Variants in PPP1R42 observed in about 807,000 individuals in gnomAD.
The protein encoded by PPP1R42 is leucine rich repeat containing 67.
A neutral mutation model predicts 31.0 loss-of-function variants in PPP1R42; 34 were observed. The ratio of observed to expected loss-of-function variants is 1.10; its 90% CI spans 0.83 to 1.46. PPP1R42 has a LOEUF of 1.46. Among genes scored for constraint, PPP1R42 ranks in the 40% most tolerant of loss-of-function variants. The pLI is 0.00. For synonymous variants in PPP1R42, 103 were observed against 109.8 expected (o/e 0.94, Z 0.39); for missense variants, 268 against 303.0 (o/e 0.88, Z 0.86).
At chr8:66,983,841 G>A (rs2130926116) in intron 6 of PPP1R42, among the ~76,000 whole-genome samples, 1 of 151,946 alleles carries the variant, frequency 6.6e-6, no homozygotes, top group South Asian at 2.1e-4. Context: ...GAACTAGCTA[G>A]TACTCTCCAA....
chr8:66,985,298 G>T (rs1814975222), intron 6 of PPP1R42: 2 of 854,692 alleles, frequency 2.3e-6, no homozygotes, highest in African/African-American at 1.7e-5. Context: ...GGTCAAAAAA[G>T]GTATTGGACT....
chr8:67,007,987 A>G (rs1280456619), intron 5 of PPP1R42, among the ~76,000 whole-genome samples: 2 of 150,762 alleles, frequency 1.3e-5, no homozygotes, highest in African/African-American at 4.9e-5. Context: ...CCCAGGTTCA[A>G]GTGATTCTCC....
intron 1 of PPP1R42, among the ~76,000 whole-genome samples, chr8:67,024,017 G>A (rs988143479): frequency 2.0e-5 from 3 of 151,806 alleles, no homozygotes; most frequent in Non-Finnish European, 4.4e-5. Context: ...ATGGTGGCGC[G>A]CACCTGTAGT....
At chr8:66,989,748 G>C (rs1815134348) in intron 5 of PPP1R42, among the ~76,000 whole-genome samples, 1 of 152,176 alleles carries the variant, frequency 6.6e-6, no homozygotes, top group Non-Finnish European at 1.5e-5. Flanking sequence ...GAAAATATAA[G>C]ACATTGTTTT....
At chr8:67,007,164 C>A (rs960872405) in intron 5 of PPP1R42, among the ~76,000 whole-genome samples, 2 of 151,988 alleles carry the variant, frequency 1.3e-5, no homozygotes, top group Non-Finnish European at 2.9e-5. Context: ...AGGCGTGAGC[C>A]ACTGTGCCTG....
intron 5 of PPP1R42, among the ~76,000 whole-genome samples, chr8:67,007,158 G>A (rs764847804): frequency 3.3e-5 from 5 of 151,844 alleles, no homozygotes; most frequent in Admixed American, 1.3e-4. Context: ...GATTACAGGC[G>A]TGAGCCACTG....
intron 5 of PPP1R42, among the ~76,000 whole-genome samples, chr8:66,993,125 C>T (rs1815239344): frequency 6.6e-6 from 1 of 152,116 alleles, no homozygotes; most frequent in Non-Finnish European, 1.5e-5. Flanking sequence ...CACTCTTGAC[C>T]TCTCCTTCTC....
intron 6 of PPP1R42, among the ~76,000 whole-genome samples, chr8:66,986,651 GT>G (rs1288886158): frequency 2.6e-5 from 4 of 152,192 alleles, no homozygotes; most frequent in African/African-American, 4.8e-5. Flanking sequence ...GACTAAGCCT[GT>G]TTCTGCCAAG....
intron 5 of PPP1R42, among the ~76,000 whole-genome samples, chr8:67,008,640 G>A (rs1318786011): frequency 6.7e-6 from 1 of 149,762 alleles, no homozygotes; most frequent in Non-Finnish European, 1.5e-5. Flanking sequence ...CCAAGGTGGT[G>A]AAGGTGGCAG....
chr8:67,019,866 C>T (rs965789956), intron 1 of PPP1R42, among the ~76,000 whole-genome samples: 17 of 150,624 alleles, frequency 1.1e-4, no homozygotes, highest in Admixed American at 8.6e-4. Context: ...CCAGCCTGGG[C>T]GACAGAGCGA....
chr8:67,019,096 A>G (rs1354829406), intron 1 of PPP1R42, among the ~76,000 whole-genome samples: 1 of 150,950 alleles, frequency 6.6e-6, no homozygotes, highest in African/African-American at 2.4e-5. Flanking sequence ...TCGGCCTCCC[A>G]AAGTGCTAGG....
chr8:66,965,502 T>G (rs1172752870), intron 7 of PPP1R42, among the ~76,000 whole-genome samples: 2 of 151,034 alleles, frequency 1.3e-5, no homozygotes, highest in Admixed American at 1.3e-4. Context: ...AGTGGTGTGA[T>G]CATAGCTCAC....
At chr8:67,000,647 AG>A (rs1815456682) in intron 5 of PPP1R42, among the ~76,000 whole-genome samples, 1 of 152,056 alleles carries the variant, frequency 6.6e-6, no homozygotes, top group African/African-American at 2.4e-5. Flanking sequence ...TAGTGGAGAC[AG>A]GGTTTCACTA....
chr8:66,970,167 G>C (rs931932418), intron 7 of PPP1R42, among the ~76,000 whole-genome samples: 9 of 152,146 alleles, frequency 5.9e-5, no homozygotes, highest in Non-Finnish European at 1.3e-4. Context: ...GTCCCACTCT[G>C]TTGCCCAGGC....
intron 6 of PPP1R42, among the ~76,000 whole-genome samples, chr8:66,986,654 T>G (rs1224660201): frequency 6.6e-6 from 1 of 152,244 alleles, no homozygotes; most frequent in Non-Finnish European, 1.5e-5. Flanking sequence ...TAAGCCTGTT[T>G]CTGCCAAGTT....
chr8:66,972,354 C>T (rs1015330429), intron 7 of PPP1R42, among the ~76,000 whole-genome samples: 1 of 152,130 alleles, frequency 6.6e-6, no homozygotes, highest in African/African-American at 2.4e-5. Flanking sequence ...TGCAGCTACT[C>T]AGTGTGTTCA....
chr8:66,999,692 C>A (rs1355060343), intron 5 of PPP1R42, among the ~76,000 whole-genome samples: 2 of 152,182 alleles, frequency 1.3e-5, no homozygotes, highest in Admixed American at 6.6e-5. Flanking sequence ...AGATTGGTAT[C>A]ATTTCTTTCT....
chr8:67,008,707 CAAA>C (rs764674038), intron 5 of PPP1R42, among the ~76,000 whole-genome samples: 5 of 72,276 alleles, frequency 6.9e-5, no homozygotes, highest in African/African-American at 8.7e-5. Flanking sequence ...GACTCTGTCT[CAAA>C]AAAAAAAAAA....
chr8:66,984,980 T>C (rs1471405373), intron 6 of PPP1R42: 10 of 1,553,636 alleles, frequency 6.4e-6, no homozygotes, highest in Non-Finnish European at 8.9e-6. Context: ...TCAACAAGAT[T>C]TGTGATTCCA....
Sources: gnomAD v4.1 joint callset for allele counts (sites outside exome capture counted in the v4.1 genomes callset) on GRCh38, gnomAD v4.1.1 for gene constraint, MANE v1.5 for transcripts, NCBI Gene and HGNC (gene_info 2026-07-23, HGNC 2026-07-21) for gene names.